Variants in HDAC4 observed in about 807,000 individuals in gnomAD.
HDAC4 encodes the protein histone deacetylase A.
HDAC4 carries 16 observed loss-of-function variants against 135.1 expected under a neutral mutation model. The observed-to-expected ratio is 0.12, with a 90% CI of 0.08 to 0.18. The LOEUF is 0.18. Among genes scored for constraint, HDAC4 ranks in the 10% least tolerant of loss-of-function variants. HDAC4 has a pLI of 1.00. For missense variants in HDAC4, 1,143 were observed against 1,511.8 expected (o/e 0.76, Z 4.05); for synonymous variants, 685 against 653.4 (o/e 1.05, Z -0.74).
intron 12 of HDAC4, among the ~76,000 whole-genome samples, 158 bp downstream of exon 12, chr2:239,126,298 G>A (rs796981209): frequency 2.0e-5 from 3 of 152,376 alleles, no homozygotes; most frequent in African/African-American, 7.2e-5. Context: ...CCCCTGCCCA[G>A]CTCTGTGCTG....
chr2:239,255,564 C>T (rs1167392838), intron 2 of HDAC4, among the ~76,000 whole-genome samples: 2 of 152,156 alleles, frequency 1.3e-5, no homozygotes, highest in African/African-American at 2.4e-5. Context: ...GAATTAAGTA[C>T]AGCTGTCCCT....
At chr2:239,304,092 T>C (rs904227636) in intron 2 of HDAC4, among the ~76,000 whole-genome samples, 2 of 152,238 alleles carry the variant, frequency 1.3e-5, no homozygotes, top group African/African-American at 4.8e-5. Context: ...CCGTAAGCAG[T>C]TGACCTCAGA....
chr2:239,146,835 T>C lies in HDAC4; in HGVS notation c.734-2121A>G, dbSNP rs549178444. Among the ~76,000 whole-genome samples, 1 of 151,712 alleles carries C rather than the reference T, an allele frequency of 6.6e-6. No homozygotes were observed. The highest frequency in any genetic ancestry group is 2.1e-4 in the South Asian group (1 of 4,796). On this transcript the variant is annotated intron_variant, in intron 7 of 26. Coordinates refer to ENST00000543185, the MANE Select transcript of HDAC4 (RefSeq NM_001378414.1). This position sits in a 1 kb window ranked among gnomAD's most constrained non-coding sequence, Gnocchi z 4.5. ...TGCCCTGTCTTCCTCACAGCAGCCT[T>C]CTCACCATCTGGAATTCTTCTGTCC...
At chr2:239,177,758 G>A (rs183685778) in intron 4 of HDAC4, among the ~76,000 whole-genome samples, 17 of 152,294 alleles carry the variant, frequency 1.1e-4, no homozygotes, top group Admixed American at 7.8e-4. Flanking sequence ...GAACATGACA[G>A]GCAGCCCACT....
chr2:239,067,750 G>A (rs1010104230), intron 23 of HDAC4, among the ~76,000 whole-genome samples: 5 of 152,202 alleles, frequency 3.3e-5, no homozygotes, highest in African/African-American at 1.2e-4. Flanking sequence ...CCCTCCCCAC[G>A]CAAGGACCTG....
At chr2:239,076,914 C>T (rs930004634) in intron 22 of HDAC4, among the ~76,000 whole-genome samples, 3 of 152,186 alleles carry the variant, frequency 2.0e-5, no homozygotes. Context: ...TCTAAGCCAG[C>T]ACCTCGAGAC....
chr2:239,309,392 C>T lies in HDAC4; in HGVS notation c.22+43286G>A, dbSNP rs1036179552. Among the ~76,000 whole-genome samples, 9 of 152,194 alleles carry T rather than the reference C, an allele frequency of 5.9e-5. No individual in the cohort carries two copies. Among genetic ancestry groups the T allele is most frequent in the African/African-American group, 1.9e-4 (8 of 41,460 alleles). ...CAAACCAGACTTAGTGCAGAGGCTG[C>T]ACCCTTCCAGGCTGAAACCCAGCAC... On this transcript the variant is annotated intron_variant, in intron 2 of 26. Coordinates refer to ENST00000543185, the MANE Select transcript of HDAC4 (RefSeq NM_001378414.1). The surrounding 1 kb of genome is among the most constrained non-coding windows in gnomAD (Gnocchi z 4.2).
chr2:239,230,710 C>T (rs1379693856), intron 3 of HDAC4, among the ~76,000 whole-genome samples: 2 of 152,192 alleles, frequency 1.3e-5, no homozygotes, highest in African/African-American at 4.8e-5. Flanking sequence ...CAAAGGGGCA[C>T]CACGCAGGAA....
chr2:239,320,249 G>A (rs910237646), intron 2 of HDAC4, among the ~76,000 whole-genome samples: 7 of 151,926 alleles, frequency 4.6e-5, no homozygotes, highest in African/African-American at 1.7e-4. Context: ...TGGCGTGGTG[G>A]GAGGCGCCTG....
intron 15 of HDAC4, among the ~76,000 whole-genome samples, chr2:239,105,481 A>G (rs1194927258): frequency 6.6e-6 from 1 of 152,162 alleles, no homozygotes; most frequent in Non-Finnish European, 1.5e-5. Flanking sequence ...TGAGGCAGGG[A>G]GCGAGACAGC....
intron 1 of HDAC4, among the ~76,000 whole-genome samples, chr2:239,378,366 G>A (rs372610573): frequency 2.0e-5 from 3 of 152,212 alleles, no homozygotes; most frequent in African/African-American, 4.8e-5. Context: ...TGGCCTGGAA[G>A]AGGGAAGGCG....
At chr2:239,210,141 T>C (rs1392621149) in intron 3 of HDAC4, among the ~76,000 whole-genome samples, 1 of 152,104 alleles carries the variant, frequency 6.6e-6, no homozygotes, top group Admixed American at 6.6e-5. Context: ...ACAAGGAGAA[T>C]GGTACAAGGA....
At chr2:239,365,545 G>T (rs2125983899) in intron 1 of HDAC4, among the ~76,000 whole-genome samples, 1 of 152,358 alleles carries the variant, frequency 6.6e-6, no homozygotes, top group South Asian at 2.1e-4. Flanking sequence ...GAGCCAGCAA[G>T]GCTAGGTCTT....
At chr2:239,193,114 C>T (rs1393202912) in intron 3 of HDAC4, among the ~76,000 whole-genome samples, 1 of 152,154 alleles carries the variant, frequency 6.6e-6, no homozygotes, top group Non-Finnish European at 1.5e-5. Context: ...TCATTTATCC[C>T]TGTGTGGGGG....
At chr2:239,072,847 A>G (rs1229854284) in intron 22 of HDAC4, among the ~76,000 whole-genome samples, 1 of 152,170 alleles carries the variant, frequency 6.6e-6, no homozygotes, top group Non-Finnish European at 1.5e-5. Flanking sequence ...AGTTCCTCTG[A>G]TTTCTGGTGG....
At chr2:239,183,479 G>A (rs1446193550) in intron 4 of HDAC4, among the ~76,000 whole-genome samples, 1 of 152,244 alleles carries the variant, frequency 6.6e-6, no homozygotes, top group African/African-American at 2.4e-5. Flanking sequence ...AACACCAGGT[G>A]CAGACCAGCT....
At chr2:239,316,978 T>C (rs2053137686) in intron 2 of HDAC4, among the ~76,000 whole-genome samples, 1 of 151,812 alleles carries the variant, frequency 6.6e-6, no homozygotes, top group Non-Finnish European at 1.5e-5. Flanking sequence ...CAGAAACAAA[T>C]AACCAAACCC....
At chr2:239,079,804 G>A (rs1317856032) in intron 22 of HDAC4, among the ~76,000 whole-genome samples, 4 of 151,850 alleles carry the variant, frequency 2.6e-5, no homozygotes, top group Middle Eastern at 3.4e-3. Flanking sequence ...ACAAGCACAC[G>A]TGTGTACTCA....
intron 12 of HDAC4, among the ~76,000 whole-genome samples, chr2:239,120,807 T>G (rs967547577): frequency 6.6e-6 from 1 of 151,440 alleles, no homozygotes; most frequent in African/African-American, 2.4e-5. Context: ...AGGTCCCTTC[T>G]CTAGGGTGGG....
Sources: gnomAD v4.1 joint callset for allele counts (sites outside exome capture counted in the v4.1 genomes callset) on GRCh38, gnomAD v4.1.1 for gene constraint, Gnocchi (gnomAD v3.1) non-coding constraint, MANE v1.5 for transcripts, NCBI Gene and HGNC (gene_info 2026-07-23, HGNC 2026-07-21) for gene names.